The following NRG1 variants were observed in gnomAD, a reference collection of about 807,000 sequenced individuals.
NRG1 encodes neuregulin 1.
In NRG1, 18 loss-of-function variants were observed where a neutral mutation model predicts 63.8. That is an observed-to-expected ratio of 0.28 (90% CI 0.19 to 0.42). The LOEUF is 0.42. Ranked by LOEUF, NRG1 falls within the 10% of genes least tolerant of loss-of-function variation. The pLI, the probability that NRG1 is intolerant of heterozygous loss-of-function variation, is 1.00. For synonymous variants in NRG1, 302 were observed against 301.3 expected, an observed-to-expected ratio of 1.00 and a Z score of -0.02; for missense variants, 762 against 814.7, an observed-to-expected ratio of 0.94 and a Z score of 0.79.
rs569359404 is a variant in NRG1, at chr8:31,792,980, C to A, written c.37+153549C>A. Among the ~76,000 whole-genome samples, 6 of 152,300 alleles carry A rather than the reference C, an allele frequency of 3.9e-5. No individual in the cohort carries two copies. The South Asian group carries it at 1.0e-3, about 26-fold the overall frequency. On this transcript the variant is annotated intron_variant, in intron 1 of 10. Coordinates refer to the NRG1 transcript ENST00000519301. ...ACCCATGTAATTCACAGGCATCTGT[C>A]CACAGGTAGTTTGAGAACCTAACTA... is the stretch of plus-strand genomic sequence containing the variant.
intron 1 of NRG1, among the ~76,000 whole-genome samples, chr8:32,463,728 C>T (rs925656169): frequency 3.3e-5 from 5 of 151,870 alleles, no homozygotes; most frequent in Non-Finnish European, 7.4e-5. Flanking sequence ...GTAGTCCCAG[C>T]TACTCAGGAG....
At chr8:32,150,607 C>T (rs556156812) in intron 1 of NRG1, among the ~76,000 whole-genome samples, 2 of 152,150 alleles carry the variant, frequency 1.3e-5, no homozygotes, top group African/African-American at 2.4e-5. Flanking sequence ...CTTGGACGTT[C>T]CAGCCTCCAG....
chr8:32,458,137 C>G (rs1821849377), intron 1 of NRG1, among the ~76,000 whole-genome samples: 1 of 152,000 alleles, frequency 6.6e-6, no homozygotes, highest in African/African-American at 2.4e-5. Context: ...AGGATGGTCT[C>G]GATCTCTTGA....
intron 1 of NRG1, among the ~76,000 whole-genome samples, chr8:32,255,266 G>A (rs1384520185): frequency 1.3e-5 from 2 of 152,210 alleles, no homozygotes; most frequent in Non-Finnish European, 2.9e-5. Context: ...CCTGTTAGTT[G>A]ATGCAGTTTC....
intron 1 of NRG1, among the ~76,000 whole-genome samples, chr8:32,148,273 C>T (rs73673555): frequency 0.011 from 1,677 of 152,248 alleles, 24 homozygotes; most frequent in African/African-American, 0.036. Flanking sequence ...GGATTTGACC[C>T]CACACAATCA....
chr8:32,700,143 G>C (rs565625762), intron 5 of NRG1, among the ~76,000 whole-genome samples: 1 of 152,058 alleles, frequency 6.6e-6, no homozygotes, highest in East Asian at 1.9e-4. Flanking sequence ...CAGATGTTCT[G>C]ATTAAAACTC....
intron 1 of NRG1, among the ~76,000 whole-genome samples, chr8:32,284,133 C>T (rs1853217582): frequency 6.6e-6 from 1 of 152,148 alleles, no homozygotes; most frequent in Admixed American, 6.5e-5. Flanking sequence ...CAACCTTGGG[C>T]TTCTGTGTCA....
At chr8:32,100,267 C>T (rs1585288782) in intron 1 of NRG1, among the ~76,000 whole-genome samples, 1 of 152,160 alleles carries the variant, frequency 6.6e-6, no homozygotes, top group South Asian at 2.1e-4. Context: ...TAACTGTGGG[C>T]AGGATTGTTA....
chr8:31,718,531 TTC>T (rs1812589268), intron 1 of NRG1, among the ~76,000 whole-genome samples: 1 of 152,222 alleles, frequency 6.6e-6, no homozygotes, highest in African/African-American at 2.4e-5. Flanking sequence ...CCATCCCCAA[TTC>T]TCTGTTTTCT....
chr8:32,496,253 C>T (rs1330254223), intron 1 of NRG1, among the ~76,000 whole-genome samples: 4 of 152,072 alleles, frequency 2.6e-5, no homozygotes, highest in Non-Finnish European at 4.4e-5. Context: ...GTTATTCTAC[C>T]TGGGTTGACT....
chr8:31,934,473 T>C (rs1296868668), intron 1 of NRG1, among the ~76,000 whole-genome samples: 4 of 137,228 alleles, frequency 2.9e-5, no homozygotes, highest in African/African-American at 1.1e-4. Context: ...TTACCCAGGC[T>C]AGAGTGCAAT....
chr8:31,659,107 A>C (rs1487400688), intron 1 of NRG1, among the ~76,000 whole-genome samples: 1 of 152,100 alleles, frequency 6.6e-6, no homozygotes, highest in Non-Finnish European at 1.5e-5. Flanking sequence ...CTACTTTAAC[A>C]GGCAACCTCC....
At chr8:32,710,891 G>A (rs994977666) in intron 5 of NRG1, among the ~76,000 whole-genome samples, 6 of 152,094 alleles carry the variant, frequency 3.9e-5, no homozygotes, top group Admixed American at 1.3e-4. Context: ...AGCGTTTTCC[G>A]TGAATGAAAA....
chr8:32,614,740 T>A (rs1436781110), intron 4 of NRG1, among the ~76,000 whole-genome samples, 176 bp downstream of exon 4: 2 of 152,120 alleles, frequency 1.3e-5, no homozygotes, highest in African/African-American at 2.4e-5. Flanking sequence ...TAAGGGAGGA[T>A]GGTTCTTGCT....
chr8:32,302,415 G>T (rs1385182990), intron 1 of NRG1, among the ~76,000 whole-genome samples: 1 of 152,158 alleles, frequency 6.6e-6, no homozygotes, highest in Non-Finnish European at 1.5e-5. Context: ...TAATAAACGA[G>T]GCTGTGTGTA....
intron 1 of NRG1, among the ~76,000 whole-genome samples, chr8:32,351,064 G>C (rs1261477594): frequency 6.6e-6 from 1 of 152,092 alleles, no homozygotes; most frequent in African/African-American, 2.4e-5. Flanking sequence ...GGCTCTGTTT[G>C]CAGGAATCTA....
chr8:32,450,854 A>G (rs1360601082), intron 1 of NRG1, among the ~76,000 whole-genome samples: 2 of 152,124 alleles, frequency 1.3e-5, no homozygotes, highest in African/African-American at 4.8e-5. Context: ...TTTTTTGTTC[A>G]CTTATCTCAG....
At chr8:32,025,015 G>T (rs996957196) in intron 1 of NRG1, among the ~76,000 whole-genome samples, 2 of 152,092 alleles carry the variant, frequency 1.3e-5, no homozygotes, top group Non-Finnish European at 2.9e-5. Context: ...AATTAACAGT[G>T]GTTACTTCTG....
At chr8:32,019,191 C>T (rs2130169552) in intron 1 of NRG1, among the ~76,000 whole-genome samples, 1 of 152,298 alleles carries the variant, frequency 6.6e-6, no homozygotes. Flanking sequence ...CTCCGTCTCC[C>T]AGGTTCACAC....
Sources: gnomAD v4.1 joint callset for allele counts (sites outside exome capture counted in the v4.1 genomes callset) on GRCh38, gnomAD v4.1.1 for gene constraint, MANE v1.5 for transcripts, NCBI Gene and HGNC (gene_info 2026-07-23, HGNC 2026-07-21) for gene names.